GRIN2C: variants seen among roughly 807,000 people sequenced by gnomAD.
The protein encoded by GRIN2C is glutamate ionotropic receptor NMDA type subunit 2C.
In GRIN2C, 64 loss-of-function variants were observed where a neutral mutation model predicts 77.7. That is an observed-to-expected ratio of 0.82 (90% CI 0.67 to 1.01). GRIN2C has a LOEUF of 1.01. GRIN2C is among the 50% of genes least tolerant of loss of function. GRIN2C has a pLI of 0.00. For synonymous variants in GRIN2C, 792 were observed against 643.4 expected (o/e 1.23, Z -3.49); for missense variants, 1,549 against 1,486.0 (o/e 1.04, Z -0.70).
rs894323719 is a variant in GRIN2C at position 74,850,670 on chromosome 17, G to A, written c.1211C>T (p.Thr404Met). 43 of 1,613,506 alleles carry A rather than the reference G, an allele frequency of 2.7e-5. No individual in the cohort carries two copies. The highest frequency in any genetic ancestry group is 1.6e-4 in the Middle Eastern group (1 of 6,084). ...GGGCCGCTCTTCCAGCGTGGCCACC[G>A]TCAGGTGCCGACTGTCCACCACAGG... Reference protein sequence around the residue: ...LQPVVDSRHLTVATLEERPFV... With the variant: ...LQPVVDSRHLMVATLEERPFV... Residue 404 changes from threonine to methionine, a missense_variant, in exon 5 of 13, where the codon ACG becomes ATG. Thr to Met is a moderately conservative substitution (Grantham distance 81). Around this residue, in one of 3 missense-constraint regions of GRIN2C, gnomAD observed 717 missense variants for 858.1 expected, o/e 0.84. Coordinates refer to ENST00000293190, the MANE Select transcript of GRIN2C (RefSeq NM_000835.6). The surrounding 1 kb of genome is among the most constrained non-coding windows in gnomAD (Gnocchi z 5.3).
rs2037604101 is a variant in GRIN2C, at chr17:74,850,489, T to A, written c.1325+67A>T. 6.4e-7 allele frequency: 1 copy of A among 1,573,724 alleles called. No homozygotes were observed. Among genetic ancestry groups the A allele is most frequent in the Non-Finnish European group, 8.7e-7 (1 of 1,147,276 alleles). ...CTGCCCCACACCCAAGCATGGGACA[T>A]ACACGACACCTGACCATCACACGGC... is the stretch of plus-strand genomic sequence containing the variant. On this transcript the variant is annotated intron_variant, in intron 5 of 12. Coordinates refer to ENST00000293190, the MANE Select transcript of GRIN2C (RefSeq NM_000835.6). The surrounding 1 kb of genome is among the most constrained non-coding windows in gnomAD (Gnocchi z 5.3).
chr17:74,845,088 C>T (rs2037415868), intron 11 of GRIN2C, among the ~76,000 whole-genome samples: 1 of 151,706 alleles, frequency 6.6e-6, no homozygotes, highest in East Asian at 2.0e-4. Flanking sequence ...CACCACCACA[C>T]CTGGCTAATT....
Position 74,843,312 on chromosome 17 carries a change from G to C in GRIN2C, c.2825C>G (p.Pro942Arg). Residue 942 changes from proline to arginine, a missense_variant, in exon 13 of 13, where the codon CCC (proline) becomes CGC (arginine). Coordinates refer to ENST00000293190, the MANE Select transcript of GRIN2C (RefSeq NM_000835.6). ...GTCGGGGGTGGGCAGGCATGGGCTG[G>C]GGCCAGACCGCGGGGTCGGGCAGGG... ...PSPCPTPRSG[P>R]SPCLPTPDPP... 3.6e-6 allele frequency: 5 copies of C among 1,405,452 alleles called. No individual in the cohort carries two copies. Among genetic ancestry groups the C allele is most frequent in the Non-Finnish European group, 4.8e-6 (5 of 1,043,194 alleles). The allele number at this position is 1,405,452 out of a possible 1,614,324, so 87.1% of individuals were successfully genotyped here.
At position 74,855,081 on chromosome 17, in the gene GRIN2C, G is replaced by A. The variant is rs1389428068; in HGVS notation, c.12C>T (p.Ala4=). 10 of 1,587,128 alleles carry A rather than the reference G, an allele frequency of 6.3e-6. No individual in the cohort carries two copies. Among genetic ancestry groups the A allele is most frequent in the South Asian group, 1.1e-5 (1 of 89,812 alleles). MGG[A]LGPALLLTSL... ...AGGTGAGCAACAGGGCCGGCCCCAG[G>A]GCCCCACCCATGTCCACCGGAGGGT... The change falls in exon 2 of 13, where the codon GCC becomes GCT. Residue 4 remains alanine (A), a synonymous_variant. Transcript: ENST00000293190.
chr17:74,854,119 C>T (rs531537936), intron 2 of GRIN2C: 2 of 152,590 alleles, frequency 1.3e-5, no homozygotes, highest in East Asian at 3.9e-4. Context: ...CATCATTTCT[C>T]CAGAGACTTT....
chr17:74,859,183 G>C lies in GRIN2C; in HGVS notation c.-16+561C>G, dbSNP rs1403427162. The stretch of plus-strand genomic sequence containing the variant: ...GACCTCTGCCCACCCACCCACTCAG[G>C]GTCTCACCCCTTCCACAAACAGCCC... On this transcript the variant is annotated intron_variant, in intron 1 of 12. Coordinates refer to ENST00000293190, the MANE Select transcript of GRIN2C (RefSeq NM_000835.6). This position sits in a 1 kb window ranked among gnomAD's most constrained non-coding sequence, Gnocchi z 5.9. Among the ~76,000 whole-genome samples, 2 of 152,014 alleles carry C rather than the reference G, an allele frequency of 1.3e-5. No individual in the cohort carries two copies. The highest frequency in any genetic ancestry group is 2.9e-5 in the Non-Finnish European group (2 of 67,990).
At chr17:74,860,690 G>C (rs1408046980), upstream of GRIN2C, 1 of 351,894 alleles carries the variant, frequency 2.8e-6, no homozygotes, top group Admixed American at 3.8e-5. Context: ...TTCCCTTTGC[G>C]CTCTGGAAGC....
chr17:74,847,101 G>C lies in GRIN2C; in HGVS notation c.2002-181C>G. 1 of 757,448 alleles carries C rather than the reference G, an allele frequency of 1.3e-6. No homozygotes were observed. The highest frequency in any genetic ancestry group is 1.8e-5 in the South Asian group (1 of 54,484). 46.9% of individuals were successfully genotyped at this position (757,448 alleles called of 1,614,324 possible). ...TGGAGACTCTGAGGCCCAAGACAGG[G>C]AGAGACTTACCCAAGGCCTCTCAGC... On this transcript the variant is annotated intron_variant, in intron 9 of 12. Transcript: ENST00000293190. This position sits in a 1 kb window ranked among gnomAD's most constrained non-coding sequence, Gnocchi z 5.2.
Position 74,844,371 on chromosome 17 carries a change from G to C in GRIN2C, c.2488C>G (p.Leu830Val), listed in dbSNP as rs556772078. ...YMLLVAMGLA[L>V]LVFAWEHLVY... ...AGGTGCTCCCAGGCGAAGACCAGCA[G>C]GGCCAGCCCCATGGCCACCAGCAGC... The change falls in exon 12 of 13, where the codon CTG (leucine) becomes GTG (valine). Residue 830 changes from leucine to valine, a missense_variant. Physicochemically the swap from Leu to Val is conservative, Grantham distance 32. This residue lies in a region of GRIN2C where 717 missense variants were observed against 858.1 expected (regional missense o/e 0.84). Transcript: ENST00000293190. 1 of 1,614,174 alleles carries C rather than the reference G, an allele frequency of 6.2e-7. No homozygotes were observed. The highest frequency in any genetic ancestry group is 1.1e-5 in the South Asian group (1 of 91,088).
At chr17:74,854,493 A>T in intron 2 of GRIN2C, 1 of 559,040 alleles carries the variant, frequency 1.8e-6, no homozygotes, top group Non-Finnish European at 3.2e-6. Flanking sequence ...TCCAGACACA[A>T]TGTGAGGTCA....
At position 74,843,051 on chromosome 17, in the gene GRIN2C, T is replaced by C. The variant is rs1178672934; in HGVS notation, c.3086A>G (p.Tyr1029Cys). 2.1e-6 allele frequency: 1 copy of C among 468,184 alleles called. No individual in the cohort carries two copies. Among genetic ancestry groups the C allele is most frequent in the African/African-American group, 2.1e-5 (1 of 48,690 alleles). 29.0% of individuals were successfully genotyped at this position (468,184 alleles called of 1,614,324 possible). A position where few individuals can be genotyped will look rare whatever the true frequency, so the allele number is the denominator to read the frequency against. The change falls in exon 13 of 13, where the codon TAC becomes TGC. Residue 1029 changes from tyrosine (Y) to cysteine (C), a missense_variant. Physicochemically the swap from Tyr to Cys is radical, Grantham distance 194 (BLOSUM62 -2). Transcript: ENST00000293190. The part of the protein sequence containing the change: ...ERPLSPARCH[Y>C]SSFPRADRSG... ...TCGGTCGGCTCGAGGAAAGGAGCTG[T>C]AGTGACAGCGCGCGGGCGACAGGGG... is the stretch of plus-strand genomic sequence containing the variant.
Position 74,854,760 on chromosome 17 carries a change from G to C in GRIN2C, c.333C>G (p.Ile111Met). The change falls in exon 2 of 13, where the codon ATC becomes ATG. Residue 111 changes from isoleucine (I) to methionine (M), a missense_variant. Ile to Met is a conservative substitution (Grantham distance 10). Coordinates refer to ENST00000293190, the MANE Select transcript of GRIN2C (RefSeq NM_000835.6). ...GGATGGGCACATGGGTCTGGGAGGAGATGAAGTCAAGGATCTGGGCCACCG... is the reference window on the plus strand; with the variant it reads ...GGATGGGCACATGGGTCTGGGAGGACATGAAGTCAAGGATCTGGGCCACCG... ...TEAVAQILDF[I>M]SSQTHVPILS... The C allele has an allele frequency of 6.2e-7, 1 of 1,613,604 alleles. No homozygotes were observed. The highest frequency in any genetic ancestry group is 8.5e-7 in the Non-Finnish European group (1 of 1,179,576).
At chr17:74,845,679 C>T (rs964017456) in intron 11 of GRIN2C, among the ~76,000 whole-genome samples, 46 of 152,184 alleles carry the variant, frequency 3.0e-4, no homozygotes, top group African/African-American at 5.3e-4. Flanking sequence ...TGGGCAGATC[C>T]GTAATCTCAA....
chr17:74,849,757 T>A lies in GRIN2C; in HGVS notation c.1645+23A>T. ...GTGGGCCCCTCTGCCCCCGGAGCCG[T>A]CTCTGCCCACCCTGGGCCTCACCCA... On this transcript the variant is annotated intron_variant, in intron 7 of 12. Transcript: ENST00000293190. This position sits in a 1 kb window ranked among gnomAD's most constrained non-coding sequence, Gnocchi z 4.6. 1 of 1,602,374 alleles carries A rather than the reference T, an allele frequency of 6.2e-7. No homozygotes were observed. The highest frequency in any genetic ancestry group is 8.5e-7 in the Non-Finnish European group (1 of 1,176,942).
chr17:74,844,688 GA>G (rs1459164833), intron 11 of GRIN2C, among the ~76,000 whole-genome samples, 180 bp from the exon 12 acceptor site: 1 of 152,160 alleles, frequency 6.6e-6, no homozygotes, highest in Non-Finnish European at 1.5e-5. Context: ...GCGGGGAGTG[GA>G]GGGTCAGTGA....
chr17:74,843,702 T>C, intron 12 of GRIN2C, 149 bp from the exon 13 acceptor site: 1 of 1,054,118 alleles, frequency 9.5e-7, no homozygotes, highest in East Asian at 2.6e-5. Flanking sequence ...CGCCAGGCAC[T>C]GTGCTTTGCA....
At position 74,847,493 on chromosome 17, in the gene GRIN2C, G is replaced by T. The variant is rs2037498108; in HGVS notation, c.1816C>A (p.Leu606Met). The T allele has an allele frequency of 6.2e-7, 1 of 1,613,696 alleles. No homozygotes were observed. The highest frequency in any genetic ancestry group is 8.5e-7 in the Non-Finnish European group (1 of 1,179,960). The change falls in exon 9 of 13, where the codon CTG (leucine) becomes ATG (methionine). Residue 606 changes from leucine (L) to methionine (M), a missense_variant. Around this residue, in one of 3 missense-constraint regions of GRIN2C, gnomAD observed 717 missense variants for 858.1 expected, o/e 0.84. Coordinates refer to ENST00000293190, the MANE Select transcript of GRIN2C (RefSeq NM_000835.6). The surrounding 1 kb of genome is among the most constrained non-coding windows in gnomAD (Gnocchi z 5.2). ...AFTIGKSVWL[L>M]WALVFNNSVP... is the part of the protein sequence containing the mutation. The stretch of plus-strand genomic sequence containing the variant: ...GAGTTGTTGAAGACCAGCGCCCACA[G>T]CAGCCACACGGACTTGCCGATAGTG...
Position 74,847,641 on chromosome 17 carries a change from T to TG in GRIN2C, c.1772-105dup, listed in dbSNP as rs907631361. Reference sequence around the variant, plus strand: ...CACAGCTCCGGTCTCAGCCTGGCCTTGGGGGGGACGCGTCCTGGCCATTCC... The same window carrying TG: ...CACAGCTCCGGTCTCAGCCTGGCCTTGGGGGGGGACGCGTCCTGGCCATTCC... On this transcript the variant is annotated intron_variant, in intron 8 of 12. Transcript: ENST00000293190. The surrounding 1 kb of genome is among the most constrained non-coding windows in gnomAD (Gnocchi z 5.2). 9.1e-5 allele frequency: 87 copies of TG among 958,622 alleles called. No homozygotes were observed. Among genetic ancestry groups the TG allele is most frequent in the Admixed American group, 3.2e-4 (15 of 47,214 alleles). The allele number at this position is 958,622 out of a possible 1,614,324, so 59.4% of individuals were successfully genotyped here.
At chr17:74,856,728 C>G (rs1471360608) in intron 1 of GRIN2C, among the ~76,000 whole-genome samples, 1 of 152,134 alleles carries the variant, frequency 6.6e-6, no homozygotes, top group Non-Finnish European at 1.5e-5. Context: ...ATCTGCCCAC[C>G]TCGGCCTCCC....
Sources: allele counts gnomAD v4.1 joint callset (sites outside exome capture counted in the v4.1 genomes callset), GRCh38; gene constraint gnomAD v4.1.1; regional missense constraint gnomAD v4.1.1; non-coding constraint Gnocchi (gnomAD v3.1); transcripts MANE v1.5; gene names NCBI Gene and HGNC (gene_info 2026-07-23, HGNC 2026-07-21).